ARHGAP8: variants seen among roughly 807,000 people sequenced by gnomAD.
ARHGAP8 encodes the protein rho GTPase-activating protein 8.
Under a neutral mutation model 46.1 loss-of-function variants are expected in ARHGAP8, and 62 were observed. The ratio of observed to expected loss-of-function variants is 1.34; its 90% CI spans 1.10 to 1.66. The LOEUF is 1.66. Among genes scored for constraint, ARHGAP8 ranks in the 40% most tolerant of loss-of-function variants. ARHGAP8 has a pLI of 0.00. For synonymous variants in ARHGAP8, 375 were observed against 243.1 expected (o/e 1.54, Z -5.05); for missense variants, 923 against 568.4 (o/e 1.62, Z -6.34).
At chr22:44,856,618 G>A (rs1374026686) in intron 10 of ARHGAP8, among the ~76,000 whole-genome samples, 1 of 145,180 alleles carries the variant, frequency 6.9e-6, no homozygotes, top group Admixed American at 6.7e-5. Context: ...TGTTCCCCCA[G>A]GCATTTGGAA....
rs1280755170 is a variant in ARHGAP8 at position 44,826,475 on chromosome 22, A to G, written c.596+882A>G. Among the ~76,000 whole-genome samples, 6 of 152,080 alleles carry G rather than the reference A, an allele frequency of 3.9e-5. No individual in the cohort carries two copies. The East Asian group carries it at 1.2e-3, about 29-fold the overall frequency. ...AGTCTTGCTCTGCTTCTCAGGCAGG[A>G]GTGCAGTGGCACCATCTCAGCTCAC... On this transcript the variant is annotated intron_variant, in intron 7 of 11. Coordinates refer to ENST00000356099, the MANE Select transcript of ARHGAP8 (RefSeq NM_181335.3).
intron 11 of ARHGAP8, 88 bp downstream of exon 11, chr22:44,859,922 T>C (rs9614955): frequency 8.2e-6 from 12 of 1,470,652 alleles, no homozygotes; most frequent in African/African-American, 1.4e-5. Context: ...CTCCTTGCCC[T>C]GGGTCTGGGG....
intron 1 of ARHGAP8, among the ~76,000 whole-genome samples, chr22:44,766,817 C>G (rs1328197830): frequency 6.9e-6 from 1 of 143,902 alleles, no homozygotes; most frequent in Non-Finnish European, 1.5e-5. Context: ...CCAGAGAGAG[C>G]AAAACTCCTG....
chr22:44,848,311 C>T (rs894574237), intron 9 of ARHGAP8, among the ~76,000 whole-genome samples: 5 of 152,152 alleles, frequency 3.3e-5, no homozygotes, highest in African/African-American at 9.7e-5. Flanking sequence ...TCTCCATCCA[C>T]ACCACGTGGC....
chr22:44,852,189 CAAAAAAAAAAAAA>C (rs58207915), intron 10 of ARHGAP8, among the ~76,000 whole-genome samples: 10 of 76,030 alleles, frequency 1.3e-4, no homozygotes, highest in African/African-American at 4.9e-4. Flanking sequence ...GAGACTTTGT[CAAAAAAAAAAAAA>C]AAAAAAAAAA....
intron 10 of ARHGAP8, 135 bp downstream of exon 10, chr22:44,849,195 C>T: frequency 1.3e-6 from 2 of 1,505,588 alleles, no homozygotes; most frequent in Non-Finnish European, 1.8e-6. Context: ...TCTGGCACTG[C>T]AGGGCAAGAG....
intron 2 of ARHGAP8, among the ~76,000 whole-genome samples, chr22:44,799,991 TGGGG>T (rs1928366812): frequency 1.1e-5 from 1 of 94,490 alleles, no homozygotes; most frequent in Non-Finnish European, 2.1e-5. Flanking sequence ...TGGGGCAAGG[TGGGG>T]TTGGGGCTGG....
chr22:44,805,102 G>A (rs986319398), intron 3 of ARHGAP8, among the ~76,000 whole-genome samples: 1 of 152,204 alleles, frequency 6.6e-6, no homozygotes, highest in African/African-American at 2.4e-5. Context: ...GATCCAGGAA[G>A]AGCTCGTCTC....
Position 44,802,250 on chromosome 22 carries a change from C to G in ARHGAP8, c.167+86C>G, listed in dbSNP as rs369071557. The G allele has an allele frequency of 2.0e-6, 3 of 1,530,162 alleles. No homozygotes were observed. In the African/African-American group the frequency reaches 4.1e-5, roughly 21 times the overall value. The allele number at this position is 1,530,162 out of a possible 1,614,324, so 94.8% of individuals were successfully genotyped here. On this transcript the variant is annotated intron_variant, in intron 3 of 11. Coordinates refer to ENST00000356099, the MANE Select transcript of ARHGAP8 (RefSeq NM_181335.3). Reference sequence around the variant, plus strand: ...TTCACCCCACCTCACTCTGAGTCATCTGCTGTGGTCTGGGGCCTCCTTTGT... The same window carrying G: ...TTCACCCCACCTCACTCTGAGTCATGTGCTGTGGTCTGGGGCCTCCTTTGT...
chr22:44,854,070 A>T (rs2070162874), intron 10 of ARHGAP8, among the ~76,000 whole-genome samples: 1 of 138,536 alleles, frequency 7.2e-6, no homozygotes, highest in Admixed American at 7.4e-5. Context: ...AAACCATCAG[A>T]CTTTGCCTGC....
chr22:44,852,446 T>G (rs756355023), intron 10 of ARHGAP8, among the ~76,000 whole-genome samples: 2 of 152,144 alleles, frequency 1.3e-5, no homozygotes, highest in Non-Finnish European at 2.9e-5. Context: ...TTCCCACACC[T>G]GCCTTTCTTA....
intron 10 of ARHGAP8, among the ~76,000 whole-genome samples, chr22:44,858,774 G>T (rs1374143803): frequency 4.7e-5 from 7 of 149,360 alleles, no homozygotes; most frequent in African/African-American, 1.7e-4. Flanking sequence ...TCAGGCCCCT[G>T]GAGGGTGGGA....
intron 11 of ARHGAP8, among the ~76,000 whole-genome samples, chr22:44,860,566 G>A (rs952163883): frequency 5.9e-5 from 9 of 152,020 alleles, no homozygotes; most frequent in South Asian, 2.1e-4. Context: ...CAGCTGCAAC[G>A]GCCCTCGTTC....
At chr22:44,848,378 G>A (rs144599252) in intron 9 of ARHGAP8, among the ~76,000 whole-genome samples, 83 of 152,256 alleles carry the variant, frequency 5.5e-4, no homozygotes, top group African/African-American at 1.9e-3. Flanking sequence ...TTATCTGGCA[G>A]CTCCCCCGAA....
intron 1 of ARHGAP8, among the ~76,000 whole-genome samples, chr22:44,781,084 G>A (rs529212016): frequency 1.3e-5 from 2 of 152,266 alleles, no homozygotes; most frequent in South Asian, 4.2e-4. Flanking sequence ...CGCTGCCGGC[G>A]GCTGCCGGGC....
intron 1 of ARHGAP8, among the ~76,000 whole-genome samples, chr22:44,758,780 C>T (rs1356200371): frequency 6.6e-6 from 1 of 152,130 alleles, no homozygotes; most frequent in Non-Finnish European, 1.5e-5. Context: ...CTCTTTCAGG[C>T]TTGTGCAGGG....
chr22:44,858,604 C>T (rs1286070151), intron 10 of ARHGAP8, among the ~76,000 whole-genome samples: 1 of 146,104 alleles, frequency 6.8e-6, no homozygotes, highest in East Asian at 2.1e-4. Context: ...CTCCTGACCT[C>T]AAGTGATGTG....
chr22:44,776,053 G>A (rs886580844), intron 1 of ARHGAP8, among the ~76,000 whole-genome samples: 1 of 152,102 alleles, frequency 6.6e-6, no homozygotes, highest in Non-Finnish European at 1.5e-5. Flanking sequence ...CAGATTTCAG[G>A]TCCCAGCTGC....
chr22:44,845,115 T>A (rs961741219), intron 7 of ARHGAP8, among the ~76,000 whole-genome samples, 154 bp from the exon 8 acceptor site: 1 of 152,218 alleles, frequency 6.6e-6, no homozygotes, highest in Non-Finnish European at 1.5e-5. Context: ...CTTCAGACTT[T>A]CTACTTCCTG....
Sources: allele counts gnomAD v4.1 joint callset (sites outside exome capture counted in the v4.1 genomes callset), GRCh38; gene constraint gnomAD v4.1.1; transcripts MANE v1.5; gene names NCBI Gene and HGNC (gene_info 2026-07-23, HGNC 2026-07-21).